The following ZFAT variants were observed in gnomAD, a reference collection of about 807,000 sequenced individuals.
ZFAT encodes zinc finger protein ZFAT.
A neutral mutation model predicts 117.7 loss-of-function variants in ZFAT; 64 were observed. The observed-to-expected ratio is 0.54, with a 90% CI of 0.44 to 0.67. ZFAT has a LOEUF of 0.67. Among genes scored for constraint, ZFAT ranks in the 30% least tolerant of loss-of-function variants. The pLI is 0.00. For missense variants in ZFAT, 1,433 were observed against 1,584.5 expected, an observed-to-expected ratio of 0.90 and a Z score of 1.62; for synonymous variants, 679 against 615.0, an observed-to-expected ratio of 1.10 and a Z score of -1.54.
At chr8:134,544,984 CA>C (rs1194080045) in intron 11 of ZFAT, among the ~76,000 whole-genome samples, 2 of 152,112 alleles carry the variant, frequency 1.3e-5, no homozygotes, top group Non-Finnish European at 2.9e-5. Flanking sequence ...ACAAGCATAC[CA>C]GGGGACACAC....
chr8:134,774,015 G>C, the ZFAT span, among the ~76,000 whole-genome samples: 1 of 78,172 alleles, frequency 1.3e-5, no homozygotes, highest in Non-Finnish European at 2.4e-5. Flanking sequence ...TTTTTTTTGA[G>C]ACGGCATTTC....
In ZFAT at chr8:134,494,872, T is replaced by C. The variant is rs115456327; in HGVS notation, c.3492+14747A>G. Among the ~76,000 whole-genome samples, 726 of 152,282 alleles carry C rather than the reference T, an allele frequency of 4.8e-3. 4 individuals are homozygous for C. The highest frequency in any genetic ancestry group is 0.017 in the African/African-American group (701 of 41,562). Reference sequence around the variant, plus strand: ...TCTTGTTTTGAGCACCAGTGAAGCTTTGACATTCACCCTACTGGTGTTGAC... The same window carrying C: ...TCTTGTTTTGAGCACCAGTGAAGCTCTGACATTCACCCTACTGGTGTTGAC... On this transcript the variant is annotated intron_variant, in intron 15 of 15. Coordinates refer to ENST00000377838, the MANE Select transcript of ZFAT (RefSeq NM_020863.4).
the ZFAT span, among the ~76,000 whole-genome samples, chr8:134,719,668 CAG>C: frequency 3.3e-5 from 5 of 152,264 alleles, no homozygotes; most frequent in African/African-American, 1.2e-4. Context: ...GGAAATGACT[CAG>C]TGCAGTAACA....
Position 134,520,880 on chromosome 8 carries a change from T to C in ZFAT, c.3234+3A>G. Reference sequence around the variant, plus strand: ...AGATTAATACCATACTTAAAAAAATTACCTCCCACTTGGGGTCTCCATCAA... The same window carrying C: ...AGATTAATACCATACTTAAAAAAATCACCTCCCACTTGGGGTCTCCATCAA... On this transcript the variant is annotated splice_donor_region_variant and intron_variant, in intron 13 of 15. Coordinates refer to ENST00000377838, the MANE Select transcript of ZFAT (RefSeq NM_020863.4). The C allele has an allele frequency of 6.2e-7, 1 of 1,612,364 alleles. No homozygotes were observed. Among genetic ancestry groups the C allele is most frequent in the Non-Finnish European group, 8.5e-7 (1 of 1,178,742 alleles).
intron 11 of ZFAT, 79 bp from the exon 12 acceptor site, chr8:134,533,051 T>A: frequency 6.6e-7 from 1 of 1,523,056 alleles, no homozygotes; most frequent in Non-Finnish European, 8.8e-7. Context: ...CTGGTGAGCA[T>A]CTGACACCCT....
intron 1 of ZFAT, chr8:134,696,310 A>G: frequency 1.1e-6 from 1 of 906,158 alleles, no homozygotes; most frequent in Non-Finnish European, 1.3e-6. Context: ...GCAAAGCAGT[A>G]CAGCGTTCCT....
At chr8:134,760,345 C>A in the ZFAT span, among the ~76,000 whole-genome samples, 1 of 150,894 alleles carries the variant, frequency 6.6e-6, no homozygotes, top group Non-Finnish European at 1.5e-5. Context: ...ATGCAAAATG[C>A]TAAAGAACAT....
intron 15 of ZFAT, among the ~76,000 whole-genome samples, chr8:134,504,180 T>C (rs895903175): frequency 3.3e-5 from 5 of 152,072 alleles, no homozygotes; most frequent in Non-Finnish European, 4.4e-5. Flanking sequence ...AAGTAACTTG[T>C]ACAATGAACG....
At chr8:134,829,881 C>T in the ZFAT span, among the ~76,000 whole-genome samples, 18 of 152,056 alleles carry the variant, frequency 1.2e-4, no homozygotes, top group Admixed American at 1.2e-3. Flanking sequence ...GAAAAATAAG[C>T]AATTCTTAAA....
the ZFAT span, among the ~76,000 whole-genome samples, chr8:134,755,456 A>C: frequency 6.6e-6 from 1 of 150,522 alleles, no homozygotes; most frequent in East Asian, 2.0e-4. Flanking sequence ...GTTTTTGGTT[A>C]CATGGATGAA....
At chr8:134,779,066 A>C in the ZFAT span, among the ~76,000 whole-genome samples, 1 of 152,186 alleles carries the variant, frequency 6.6e-6, no homozygotes, top group African/African-American at 2.4e-5. Flanking sequence ...TTCCACTATA[A>C]GAAATATTTG....
At position 134,602,865 on chromosome 8, in the gene ZFAT, G is replaced by A. The variant is rs779516150; in HGVS notation, c.854C>T (p.Ser285Leu). Reference sequence around the variant, plus strand: ...GTGGATCCTCAGGTGGGCCTGCAGCGAGTGCTTGAACTTGAAGACCTTGTT... The same window carrying A: ...GTGGATCCTCAGGTGGGCCTGCAGCAAGTGCTTGAACTTGAAGACCTTGTT... ...YCNKVFKFKHSLQAHLRIHTN... is the reference protein window; with the variant it reads ...YCNKVFKFKHLLQAHLRIHTN... The change falls in exon 6 of 16, where the codon TCG becomes TTG. Residue 285 changes from serine to leucine, a missense_variant. By Grantham distance (145) the Ser-to-Leu change is moderately radical (BLOSUM62 -2). Around this residue, in one of 5 missense-constraint regions of ZFAT, gnomAD observed 436 missense variants for 482.0 expected, o/e 0.90. Coordinates refer to ENST00000377838, the MANE Select transcript of ZFAT (RefSeq NM_020863.4). 6.8e-6 allele frequency: 11 copies of A among 1,608,970 alleles called. No homozygotes were observed. The highest frequency in any genetic ancestry group is 4.1e-5 in the African/African-American group (3 of 73,254).
intron 11 of ZFAT, among the ~76,000 whole-genome samples, chr8:134,560,644 CAA>C (rs1212134280): frequency 6.6e-6 from 1 of 152,014 alleles, no homozygotes; most frequent in African/African-American, 2.4e-5. Context: ...TGGAAGAAAG[CAA>C]AGAGTTGAAT....
At chr8:134,490,243 T>G (rs1474014233) in intron 15 of ZFAT, among the ~76,000 whole-genome samples, 3 of 152,168 alleles carry the variant, frequency 2.0e-5, no homozygotes, top group Non-Finnish European at 1.5e-5. Flanking sequence ...GGGTTTGAGG[T>G]GACACCAAGA....
chr8:134,662,429 G>C (rs1034981100), intron 1 of ZFAT, among the ~76,000 whole-genome samples: 1 of 152,186 alleles, frequency 6.6e-6, no homozygotes, highest in African/African-American at 2.4e-5. Flanking sequence ...GAAAAATGCA[G>C]CAAGAATGGG....
At chr8:134,499,657 C>T (rs1320912595) in intron 15 of ZFAT, among the ~76,000 whole-genome samples, 4 of 152,222 alleles carry the variant, frequency 2.6e-5, no homozygotes, top group Non-Finnish European at 5.9e-5. Context: ...TGGTTACACA[C>T]AGAGCCTGAT....
At chr8:134,757,328 C>T in the ZFAT span, among the ~76,000 whole-genome samples, 1 of 152,004 alleles carries the variant, frequency 6.6e-6, no homozygotes, top group Non-Finnish European at 1.5e-5. Context: ...TTCCTTCCTT[C>T]TTTAGAGGCA....
Position 134,572,990 on chromosome 8 carries a change from A to G in ZFAT, c.2888-7569T>C, listed in dbSNP as rs1351470188. 2.0e-5 allele frequency among the ~76,000 whole-genome samples: 3 copies of G among 152,260 alleles called. No homozygotes were observed. In the East Asian group the frequency reaches 5.8e-4, roughly 29 times the overall value. The stretch of plus-strand genomic sequence containing the variant: ...ATGTGAAAAGGAAGAAGCCAGACAT[A>G]AAAGAACACATATTGTATGAATCAA... On this transcript the variant is annotated intron_variant, in intron 10 of 15. Coordinates refer to ENST00000377838, the MANE Select transcript of ZFAT (RefSeq NM_020863.4).
chr8:134,494,394 G>A (rs1483774800), intron 15 of ZFAT, among the ~76,000 whole-genome samples: 1 of 152,146 alleles, frequency 6.6e-6, no homozygotes, highest in Non-Finnish European at 1.5e-5. Context: ...ATAAAGCTGC[G>A]GGGACAGGAT....
Sources: allele counts gnomAD v4.1 joint callset (sites outside exome capture counted in the v4.1 genomes callset), GRCh38; gene constraint gnomAD v4.1.1; regional missense constraint gnomAD v4.1.1; transcripts MANE v1.5; gene names NCBI Gene and HGNC (gene_info 2026-07-23, HGNC 2026-07-21).